The following DYNC2I1 variants were observed in gnomAD, a reference collection of about 807,000 sequenced individuals.
DYNC2I1 encodes cytoplasmic dynein 2 intermediate chain 1.
In DYNC2I1, 89 loss-of-function variants were observed where a neutral mutation model predicts 133.4. That is an observed-to-expected ratio of 0.67 (90% CI 0.56 to 0.80). The LOEUF is 0.80. Ranked by LOEUF, DYNC2I1 falls within the 30% of genes least tolerant of loss-of-function variation. DYNC2I1 has a pLI of 0.00. For missense variants in DYNC2I1, 1,291 were observed against 1,314.5 expected (o/e 0.98, Z 0.28); for synonymous variants, 504 against 484.3 (o/e 1.04, Z -0.54).
intron 11 of DYNC2I1, among the ~76,000 whole-genome samples, chr7:158,910,200 C>A (rs1847256675): frequency 6.6e-6 from 1 of 152,280 alleles, no homozygotes; most frequent in South Asian, 2.1e-4. Context: ...AAACCCAGCA[C>A]AGGCGATGGA....
intron 23 of DYNC2I1, among the ~76,000 whole-genome samples, chr7:158,938,418 A>G (rs1489877469): frequency 6.6e-6 from 1 of 152,198 alleles, no homozygotes; most frequent in African/African-American, 2.4e-5. Context: ...TCCCAGATAT[A>G]CAAAAGCTGA....
At chr7:158,911,967 CT>C (rs1226176152) in intron 12 of DYNC2I1, among the ~76,000 whole-genome samples, 4 of 152,144 alleles carry the variant, frequency 2.6e-5, no homozygotes, top group Non-Finnish European at 4.4e-5. Context: ...AAGCTTTATG[CT>C]GTGCAAATGT....
Position 158,922,429 on chromosome 7 carries a change from C to T in DYNC2I1, c.1974C>T (p.Val658=). ...HTSRVQRQMV[V]SVHDLPEKSF... The stretch of plus-strand genomic sequence containing the variant: ...CCCGAGTTCAGAGGCAGATGGTGGT[C>T]TCCGTTCACGACTTACCCGAGAAGA... The change falls in exon 16 of 25, where the codon GTC becomes GTT. Residue 658 remains valine, a synonymous_variant. Coordinates refer to ENST00000407559, the MANE Select transcript of DYNC2I1 (RefSeq NM_018051.5). The T allele has an allele frequency of 1.9e-6, 3 of 1,614,010 alleles. No individual in the cohort carries two copies. Among genetic ancestry groups the T allele is most frequent in the Non-Finnish European group, 2.5e-6 (3 of 1,179,896 alleles).
intron 21 of DYNC2I1, among the ~76,000 whole-genome samples, chr7:158,931,208 C>G (rs987890583): frequency 6.6e-6 from 1 of 152,090 alleles, no homozygotes; most frequent in South Asian, 2.1e-4. Flanking sequence ...CATAAAAAGT[C>G]TTCACAAATG....
At chr7:158,881,214 C>T (rs1013944859) in intron 5 of DYNC2I1, among the ~76,000 whole-genome samples, 20 of 152,354 alleles carry the variant, frequency 1.3e-4, no homozygotes, top group African/African-American at 2.6e-4. Flanking sequence ...CTCGCCTTTG[C>T]CCTGGGGCCT....
chr7:158,849,524 A>G, the DYNC2I1 span, among the ~76,000 whole-genome samples: 2 of 152,238 alleles, frequency 1.3e-5, no homozygotes, highest in Non-Finnish European at 2.9e-5. Flanking sequence ...CAACACTAAC[A>G]TGAGCGTTAT....
chr7:158,845,759 ATAAAT>A, the DYNC2I1 span, among the ~76,000 whole-genome samples: 4 of 152,242 alleles, frequency 2.6e-5, no homozygotes, highest in Non-Finnish European at 4.4e-5. Flanking sequence ...AAACTATTAA[ATAAAT>A]TAATCAGGTA....
Position 158,945,512 on chromosome 7 carries a change from G to A in DYNC2I1, c.3003-69G>A, listed in dbSNP as rs1394509964. The stretch of plus-strand genomic sequence containing the variant: ...TCTTCCCATGGAAGGTAGACATTTT[G>A]AAGACTCAGACAGAACCGAATGTCC... On this transcript the variant is annotated intron_variant, in intron 24 of 24. Transcript: ENST00000407559. The surrounding 1 kb of genome is among the most constrained non-coding windows in gnomAD (Gnocchi z 4.1). The A allele has an allele frequency of 8.2e-6, 12 of 1,464,622 alleles. No individual in the cohort carries two copies. Among genetic ancestry groups the A allele is most frequent in the Non-Finnish European group, 9.2e-6 (10 of 1,092,448 alleles). The allele number at this position is 1,464,622 out of a possible 1,614,324, so 90.7% of individuals were successfully genotyped here.
rs1844430108 is a variant in DYNC2I1, at chr7:158,884,742, T to G, written c.935+123T>G. On this transcript the variant is annotated intron_variant, in intron 6 of 24. Transcript: ENST00000407559. ...GGCAATCAGTTATAGATATACTTCA[T>G]TTTCTCTAGATTTTACCCCTTAGCC... 28 of 933,328 alleles carry G rather than the reference T, an allele frequency of 3.0e-5. 1 individual carries two copies. In the South Asian group the frequency reaches 7.3e-4, roughly 24 times the overall value. The allele number at this position is 933,328 out of a possible 1,614,324, so 57.8% of individuals were successfully genotyped here.
intron 11 of DYNC2I1, among the ~76,000 whole-genome samples, chr7:158,908,238 C>T (rs1176395425): frequency 6.6e-6 from 1 of 150,406 alleles, no homozygotes; most frequent in African/African-American, 2.5e-5. Flanking sequence ...AAAATAGATA[C>T]CTGCTTCATA....
chr7:158,868,668 C>G (rs1352686010), intron 1 of DYNC2I1, among the ~76,000 whole-genome samples: 3 of 152,202 alleles, frequency 2.0e-5, no homozygotes, highest in Admixed American at 6.5e-5. Context: ...CACCAGTTGC[C>G]CAGTGTAGCA....
rs3214230 is a variant in DYNC2I1, at chr7:158,918,673, A to AT, written c.1792-58dup. On this transcript the variant is annotated intron_variant, in intron 14 of 24. Transcript: ENST00000407559. ...CAGATATGGATAAGATGAAAAGGTAATTTTTTTTTGGAAAAGATAATCCAT... is the reference window on the plus strand; with the variant it reads ...CAGATATGGATAAGATGAAAAGGTAATTTTTTTTTTGGAAAAGATAATCCAT... 644 of 1,550,046 alleles carry AT rather than the reference A, an allele frequency of 4.2e-4. 4 individuals are homozygous for AT. The East Asian group carries it at 6.9e-3, about 17-fold the overall frequency.
chr7:158,947,741 A>T (rs1377599201), downstream of DYNC2I1, among the ~76,000 whole-genome samples: 2 of 152,158 alleles, frequency 1.3e-5, no homozygotes, highest in Non-Finnish European at 2.9e-5. Context: ...GCCCTTGCTC[A>T]TGCTCTGCCA....
rs183828040 is a variant in DYNC2I1, at chr7:158,894,824, C to T, written c.1059+3491C>T. Among the ~76,000 whole-genome samples, 418 of 152,236 alleles carry T rather than the reference C, an allele frequency of 2.7e-3. 2 individuals are homozygous for T. The highest frequency in any genetic ancestry group is 9.8e-3 in the African/African-American group (406 of 41,542). The stretch of plus-strand genomic sequence containing the variant: ...CCTTCCCCAGCAATGAATGTGAGTT[C>T]CTGTGCCTCCACATCCTCACCTGCA... On this transcript the variant is annotated intron_variant, in intron 8 of 24. Transcript: ENST00000407559.
In DYNC2I1 at chr7:158,879,745, A is replaced by T; in HGVS notation, c.635A>T (p.Glu212Val). The part of the protein sequence containing the change: ...LKYWLYKEEG[E>V]RRHRKPREPD... ...TACTGGCTTTATAAAGAAGAAGGCGAGAGGAGACACAGGAAGCCCAGAGAG... is the reference window on the plus strand; with the variant it reads ...TACTGGCTTTATAAAGAAGAAGGCGTGAGGAGACACAGGAAGCCCAGAGAG... The change falls in exon 5 of 25, where the codon GAG becomes GTG. Residue 212 changes from glutamate to valine, a missense_variant. By Grantham distance (121) the Glu-to-Val change is moderately radical. Coordinates refer to ENST00000407559, the MANE Select transcript of DYNC2I1 (RefSeq NM_018051.5). 6.2e-7 allele frequency: 1 copy of T among 1,606,864 alleles called. No individual in the cohort carries two copies. The highest frequency in any genetic ancestry group is 8.5e-7 in the Non-Finnish European group (1 of 1,178,186).
intron 1 of DYNC2I1, among the ~76,000 whole-genome samples, chr7:158,863,989 C>T (rs1163609471): frequency 8.3e-6 from 1 of 120,962 alleles, no homozygotes; most frequent in African/African-American, 3.3e-5. Context: ...AGCAGGACGT[C>T]CTTAGCTGCG....
downstream of DYNC2I1, among the ~76,000 whole-genome samples, chr7:158,950,736 G>A (rs1453086784): frequency 6.8e-6 from 1 of 147,632 alleles, no homozygotes; most frequent in African/African-American, 2.5e-5. Context: ...ATGATTCCAG[G>A]TGTGATATAC....
At chr7:158,883,658 C>CTTTTTTTTTTTT (rs762388455) in intron 5 of DYNC2I1, among the ~76,000 whole-genome samples, 3 of 86,160 alleles carry the variant, frequency 3.5e-5, no homozygotes, top group Non-Finnish European at 6.3e-5. Flanking sequence ...CCAGTGACTT[C>CTTTTTTTTTTTT]TTTTTTTTTT....
chr7:158,871,225 A>G lies in DYNC2I1; in HGVS notation c.153A>G (p.Glu51=). 1 of 1,613,588 alleles carries G rather than the reference A, an allele frequency of 6.2e-7. No individual in the cohort carries two copies. The highest frequency in any genetic ancestry group is 1.1e-5 in the South Asian group (1 of 90,994). ...LRKESEMDLP[E]HKEPRCRDPD... ...AGGAGTCTGAGATGGACCTTCCTGA[A>G]CATAAGGAGCCGAGGTGCAGGGATC... The change falls in exon 3 of 25, where the codon GAA becomes GAG. Residue 51 remains glutamate, a synonymous_variant. Transcript: ENST00000407559.
Sources: gnomAD v4.1 joint callset for allele counts (sites outside exome capture counted in the v4.1 genomes callset) on GRCh38, gnomAD v4.1.1 for gene constraint, Gnocchi (gnomAD v3.1) non-coding constraint, MANE v1.5 for transcripts, NCBI Gene and HGNC (gene_info 2026-07-23, HGNC 2026-07-21) for gene names.